GET1: variants seen among roughly 807,000 people sequenced by gnomAD.
GET1 encodes the protein guided entry of tail-anchored proteins factor 1.
Under a neutral mutation model 22.6 loss-of-function variants are expected in GET1, and 20 were observed. The observed-to-expected ratio is 0.89, with a 90% confidence interval of 0.62 to 1.29. The LOEUF is 1.29. Among genes scored for constraint, GET1 ranks in the 50% most tolerant of loss-of-function variants. GET1 has a pLI of 0.00. For missense variants in GET1, 209 were observed against 219.9 expected, an observed-to-expected ratio of 0.95 and a Z score of 0.31; for synonymous variants, 92 against 83.8, an observed-to-expected ratio of 1.10 and a Z score of -0.53.
chr21:39,423,555 G>A, intron 1 of GET1: 2 of 1,377,066 alleles, frequency 1.5e-6, no homozygotes, highest in Admixed American at 4.9e-5. Flanking sequence ...ATGCACATAT[G>A]CATAATCTCT....
intron 3 of GET1, chr21:39,392,910 G>T (rs1055073999): frequency 2.9e-5 from 12 of 414,344 alleles, no homozygotes; most frequent in African/African-American, 2.0e-4. Context: ...ACATAGGAAG[G>T]CTCGCCTACT....
At chr21:39,420,579 C>T (rs2042135833) in intron 1 of GET1, 1 of 529,362 alleles carries the variant, frequency 1.9e-6, no homozygotes, top group Non-Finnish European at 3.0e-6. Flanking sequence ...AGGCCCCCTA[C>T]AAAGGGTAGA....
exon 5 of GET1, chr21:39,406,350 T>C (rs758408934): frequency 4.3e-6 from 7 of 1,614,194 alleles, no homozygotes; most frequent in Non-Finnish European, 2.5e-6. Context: ...TGAGGGGGCC[T>C]TTCGTGTAGG....
chr21:39,419,880 C>A (rs544639999), intron 1 of GET1, among the ~76,000 whole-genome samples: 1 of 152,116 alleles, frequency 6.6e-6, no homozygotes, highest in South Asian at 2.1e-4. Context: ...AAAAGCCTGA[C>A]AAAATATTTT....
At chr21:39,396,749 C>A (rs764437465) in intron 4 of GET1, 117 bp from the exon 5 acceptor site, 66 of 925,394 alleles carry the variant, frequency 7.1e-5, no homozygotes, top group Non-Finnish European at 1.1e-4. Context: ...TTCACTTCAG[C>A]CCAGCACTGC....
chr21:39,410,379 G>A, downstream of GET1: 2 of 1,411,554 alleles, frequency 1.4e-6, no homozygotes, highest in Non-Finnish European at 9.9e-7. Context: ...TATGGAACAG[G>A]TAGATTATAT....
chr21:39,406,032 G>C lies in GET1; in HGVS notation c.*48G>C, dbSNP rs138510761. On this transcript the variant is annotated 3_prime_UTR_variant, in exon 5 of 5. Coordinates refer to the GET1 transcript ENST00000415847. ...CCTTACTTTGCAAAGGCTCCTCTGA[G>C]CCTTTTGCAACACCAGGACTTGATT... is the stretch of plus-strand genomic sequence containing the variant. The C allele has an allele frequency of 2.8e-4, 460 of 1,614,210 alleles. 5 individuals carry two copies. In the African/African-American group the frequency reaches 4.8e-3, roughly 17 times the overall value.
At chr21:39,390,978 A>T in intron 2 of GET1, 115 bp downstream of exon 2, 2 of 1,204,048 alleles carry the variant, frequency 1.7e-6, no homozygotes, top group Non-Finnish European at 2.3e-6. Flanking sequence ...ATATTGATGG[A>T]AACTTAAGTT....
chr21:39,412,091 ATTC>A (rs2040186408), intron 1 of GET1, among the ~76,000 whole-genome samples: 4 of 152,324 alleles, frequency 2.6e-5, no homozygotes, highest in African/African-American at 9.6e-5. Context: ...TTTATGAAAT[ATTC>A]TTCTGTACTG....
At chr21:39,394,137 C>A (rs1365823835) in intron 4 of GET1, among the ~76,000 whole-genome samples, 1 of 151,950 alleles carries the variant, frequency 6.6e-6, no homozygotes, top group East Asian at 1.9e-4. Context: ...TGAGACCAGC[C>A]TGGCCAACAT....
intron 1 of GET1, among the ~76,000 whole-genome samples, chr21:39,388,838 CG>C (rs932282029): frequency 1.3e-5 from 2 of 152,166 alleles, no homozygotes; most frequent in African/African-American, 4.8e-5. Context: ...GGAGAGTGGA[CG>C]GCTGGGGCTG....
At chr21:39,426,924 T>C (rs932071412) in intron 1 of GET1, among the ~76,000 whole-genome samples, 12 of 152,210 alleles carry the variant, frequency 7.9e-5, no homozygotes, top group Admixed American at 2.0e-4. Context: ...CAGGGCCGTC[T>C]AGAAAAGTTT....
chr21:39,403,644 T>G (rs2038901360), intron 4 of GET1, among the ~76,000 whole-genome samples: 1 of 136,554 alleles, frequency 7.3e-6, no homozygotes, highest in African/African-American at 2.8e-5. Flanking sequence ...TTTTTTGAGA[T>G]GGAGTCTCAC....
At chr21:39,422,668 A>G (rs957615149) in intron 1 of GET1, 101 of 437,226 alleles carry the variant, frequency 2.3e-4, no homozygotes, top group Middle Eastern at 1.8e-3. Flanking sequence ...CAGCACAGGG[A>G]AAAAGTCCCT....
rs769999568 is a variant in GET1 at position 39,390,853 on chromosome 21, C to A, written c.258C>A (p.Leu86=). The A allele has an allele frequency of 6.2e-7, 1 of 1,614,060 alleles. No homozygotes were observed. Among genetic ancestry groups the A allele is most frequent in the Non-Finnish European group, 8.5e-7 (1 of 1,180,014 alleles). Residue 86 remains leucine (L), a synonymous_variant, in exon 2 of 5, where the codon CTC becomes CTA. Coordinates refer to ENST00000649170, the MANE Select transcript of GET1 (RefSeq NM_004627.6). The stretch of plus-strand genomic sequence containing the variant: ...AGATCAACAAGATGACGGATAAGCT[C>A]AAAACCCATGGTACTGTGTCCCTTG... The part of the protein sequence containing the change: ...ERKINKMTDK[L]KTHVKARTAQ...
chr21:39,386,900 G>A (rs1453493432), intron 1 of GET1, among the ~76,000 whole-genome samples: 2 of 150,988 alleles, frequency 1.3e-5, no homozygotes, highest in African/African-American at 2.4e-5. Flanking sequence ...GCTGTAGTGT[G>A]GTGGTGCCAT....
At chr21:39,385,859 C>T (rs1223247217) in intron 1 of GET1, among the ~76,000 whole-genome samples, 2 of 152,154 alleles carry the variant, frequency 1.3e-5, no homozygotes, top group Admixed American at 6.5e-5. Context: ...ACACACTGCG[C>T]AGGCGCTCCA....
rs529785669 is a variant in GET1, at chr21:39,390,873, C to T, written c.268+10C>T. 4.3e-6 allele frequency: 7 copies of T among 1,613,690 alleles called. No homozygotes were observed. In the East Asian group the frequency reaches 8.9e-5, roughly 21 times the overall value. Reference sequence around the variant, plus strand: ...AAGCTCAAAACCCATGGTACTGTGTCCCTTGCAGCCTGGAGGCTTCATGAG... The same window carrying T: ...AAGCTCAAAACCCATGGTACTGTGTTCCTTGCAGCCTGGAGGCTTCATGAG... On this transcript the variant is annotated intron_variant, in intron 2 of 4. Coordinates refer to ENST00000649170, the MANE Select transcript of GET1 (RefSeq NM_004627.6).
intron 3 of GET1, 87 bp from the exon 4 acceptor site, chr21:39,393,079 T>C: frequency 8.4e-7 from 1 of 1,190,484 alleles, no homozygotes; most frequent in Non-Finnish European, 1.2e-6. Flanking sequence ...TTTTCCTGGT[T>C]TTATTTTCGC....
Sources: gnomAD v4.1 joint callset for allele counts (sites outside exome capture counted in the v4.1 genomes callset) on GRCh38, gnomAD v4.1.1 for gene constraint, MANE v1.5 for transcripts, NCBI Gene and HGNC (gene_info 2026-07-23, HGNC 2026-07-21) for gene names.